Variants in NAV2 observed in about 807,000 individuals in gnomAD.
NAV2 encodes neuron navigator 2.
In NAV2, 54 loss-of-function variants were observed where a neutral mutation model predicts 223.2. That is an observed-to-expected ratio of 0.24 (90% confidence interval 0.19 to 0.30). NAV2 has a LOEUF of 0.30. NAV2 is among the 10% of genes least tolerant of loss of function. The probability of loss-of-function intolerance (pLI) is 1.00; values close to 1 mark genes in which losing one functional copy is unlikely to be tolerated. For missense variants in NAV2, 2,806 were observed against 3,147.5 expected, an observed-to-expected ratio of 0.89 and a Z score of 2.60; for synonymous variants, 1,279 against 1,239.3, an observed-to-expected ratio of 1.03 and a Z score of -0.67.
chr11:19,630,007 C>T (rs779873015), intron 1 of NAV2, among the ~76,000 whole-genome samples: 20 of 152,232 alleles, frequency 1.3e-4, no homozygotes, highest in Non-Finnish European at 1.9e-4. Flanking sequence ...CCCCTGGGGC[C>T]GCTACATGTT....
At chr11:20,024,476 T>C (rs1378313987) in intron 11 of NAV2, among the ~76,000 whole-genome samples, 1 of 120,516 alleles carries the variant, frequency 8.3e-6, no homozygotes, top group African/African-American at 3.2e-5. Context: ...GCTGAATGTA[T>C]GGAGTCTTGG....
At chr11:19,763,688 T>A (rs537037288) in intron 1 of NAV2, among the ~76,000 whole-genome samples, 2 of 152,092 alleles carry the variant, frequency 1.3e-5, no homozygotes, top group African/African-American at 4.8e-5. Context: ...CTGTCTCAGC[T>A]CCATGGGAGA....
chr11:19,999,341 G>T (rs1591601184), intron 11 of NAV2, among the ~76,000 whole-genome samples: 1 of 152,358 alleles, frequency 6.6e-6, no homozygotes, highest in Admixed American at 6.5e-5. Context: ...AGACTGACTG[G>T]TTTAACCCAG....
intron 1 of NAV2, among the ~76,000 whole-genome samples, chr11:19,768,116 G>A (rs1221824368): frequency 6.6e-6 from 1 of 152,246 alleles, no homozygotes; most frequent in Non-Finnish European, 1.5e-5. Context: ...AGACACATGT[G>A]GTTGGAACTT....
intron 1 of NAV2, among the ~76,000 whole-genome samples, chr11:19,520,561 C>G (rs1448890906): frequency 1.3e-5 from 2 of 152,186 alleles, no homozygotes; most frequent in Non-Finnish European, 2.9e-5. Context: ...CCTTCCTGCC[C>G]CAAGCTCTAT....
intron 1 of NAV2, among the ~76,000 whole-genome samples, chr11:19,418,129 A>G (rs1850456805): frequency 6.6e-6 from 1 of 152,136 alleles, no homozygotes; most frequent in African/African-American, 2.4e-5. Flanking sequence ...AAACAACAAA[A>G]CAAAAGGGTG....
At chr11:19,805,190 T>A (rs567372109) in intron 1 of NAV2, among the ~76,000 whole-genome samples, 1 of 152,324 alleles carries the variant, frequency 6.6e-6, no homozygotes, top group African/African-American at 2.4e-5. Flanking sequence ...AAGTGTCAGC[T>A]GAGAGATGAG....
rs1457548201 is a variant in NAV2 at position 19,560,737 on chromosome 11, A to G, written c.75+209710A>G. ...CCATCTTTCTGAGTGTCTGGTCTAG[A>G]TAATGGGTTGCACATTCAGGTGACT... is the stretch of plus-strand genomic sequence containing the variant. On this transcript the variant is annotated intron_variant, in intron 1 of 37. Coordinates refer to the NAV2 transcript ENST00000360655. Among the ~76,000 whole-genome samples, 4 of 152,356 alleles carry G rather than the reference A, an allele frequency of 2.6e-5. No individual in the cohort carries two copies. In the East Asian group the frequency reaches 7.7e-4, roughly 29 times the overall value.
At chr11:19,912,958 A>G (rs1278463816) in intron 6 of NAV2, among the ~76,000 whole-genome samples, 2 of 151,990 alleles carry the variant, frequency 1.3e-5, no homozygotes, top group Non-Finnish European at 2.9e-5. Flanking sequence ...CTCCTAATAA[A>G]CTGATATCCT....
intron 6 of NAV2, among the ~76,000 whole-genome samples, chr11:19,895,763 G>T (rs2041926203): frequency 6.6e-6 from 1 of 152,106 alleles, no homozygotes; most frequent in African/African-American, 2.4e-5. Flanking sequence ...GAGGTAAAAA[G>T]CCAGTGGAAG....
intron 1 of NAV2, among the ~76,000 whole-genome samples, chr11:19,377,728 C>G (rs1848690058): frequency 6.6e-6 from 1 of 152,134 alleles, no homozygotes; most frequent in Admixed American, 6.5e-5. Flanking sequence ...ACAAGACTCT[C>G]AAGGCCCTGG....
At chr11:19,464,216 A>G (rs1471339507) in intron 1 of NAV2, among the ~76,000 whole-genome samples, 1 of 152,128 alleles carries the variant, frequency 6.6e-6, no homozygotes, top group African/African-American at 2.4e-5. Context: ...CTGTTTGTTT[A>G]AAAAAATGCC....
intron 1 of NAV2, among the ~76,000 whole-genome samples, chr11:19,495,263 A>G (rs2042758105): frequency 6.6e-6 from 1 of 152,202 alleles, no homozygotes; most frequent in Non-Finnish European, 1.5e-5. Context: ...AGCAAGCACC[A>G]GGCTCTCCAT....
intron 1 of NAV2, among the ~76,000 whole-genome samples, chr11:19,716,419 C>T (rs938432196): frequency 6.6e-5 from 10 of 152,124 alleles, no homozygotes; most frequent in African/African-American, 2.2e-4. Flanking sequence ...AGAAAAATAA[C>T]GTAAAGTGTT....
At chr11:19,526,994 A>G (rs1590412426) in intron 1 of NAV2, among the ~76,000 whole-genome samples, 1 of 151,704 alleles carries the variant, frequency 6.6e-6, no homozygotes, top group African/African-American at 2.4e-5. Flanking sequence ...GGGGAGGGAG[A>G]GTTGGTTTAT....
At chr11:19,473,173 C>G (rs2042015286) in intron 1 of NAV2, among the ~76,000 whole-genome samples, 1 of 152,184 alleles carries the variant, frequency 6.6e-6, no homozygotes, top group East Asian at 1.9e-4. Context: ...AGCTATGTGG[C>G]TTAGTCAGGT....
At chr11:19,621,884 TG>T (rs1489715523) in intron 1 of NAV2, among the ~76,000 whole-genome samples, 1 of 152,244 alleles carries the variant, frequency 6.6e-6, no homozygotes, top group East Asian at 1.9e-4. Context: ...CTTTCTCCTG[TG>T]GGTATTTAGT....
At chr11:19,859,781 A>C (rs1172936864) in intron 3 of NAV2, among the ~76,000 whole-genome samples, 9 of 110,574 alleles carry the variant, frequency 8.1e-5, no homozygotes, top group Admixed American at 2.7e-4. Context: ...TGACCCCCCC[A>C]CCTCCCTCCC....
intron 1 of NAV2, among the ~76,000 whole-genome samples, chr11:19,394,108 C>T (rs559305605): frequency 3.9e-5 from 6 of 152,196 alleles, no homozygotes; most frequent in South Asian, 4.2e-4. Flanking sequence ...GGAAGCTAAA[C>T]TCTGAGCCAT....
Sources: allele counts gnomAD v4.1 joint callset (sites outside exome capture counted in the v4.1 genomes callset), GRCh38; gene constraint gnomAD v4.1.1; transcripts MANE v1.5; gene names NCBI Gene and HGNC (gene_info 2026-07-23, HGNC 2026-07-21).